Variants in TRPM2 observed in about 807,000 individuals in gnomAD.
TRPM2 encodes transient receptor potential cation channel subfamily M member 2.
TRPM2 carries 161 observed loss-of-function variants against 174.0 expected under a neutral mutation model. That is an observed-to-expected ratio of 0.93 (90% confidence interval 0.81 to 1.05). TRPM2 has a LOEUF of 1.05. TRPM2 is among the 50% of genes least tolerant of loss of function. The pLI is 0.00. For missense variants in TRPM2, 2,057 were observed against 2,038.0 expected (o/e 1.01, Z -0.18); for synonymous variants, 954 against 861.3 (o/e 1.11, Z -1.88).
Position 44,354,727 on chromosome 21 carries a change from C to A in TRPM2, c.245C>A (p.Ser82Tyr). 1 of 1,614,178 alleles carries A rather than the reference C, an allele frequency of 6.2e-7. No homozygotes were observed. Among genetic ancestry groups the A allele is most frequent in the South Asian group, 1.1e-5 (1 of 91,090 alleles). ...CVYFVESSKL[S>Y]DAGKVVCQCG... is the part of the protein sequence containing the mutation. ...TATTTTGTGGAAAGTTCCAAACTGT[C>A]TGATGCTGGGTAAGTGACGTGATTT... The change falls in exon 2 of 32, where the codon TCT (serine) becomes TAT (tyrosine). Residue 82 changes from serine (S) to tyrosine (Y), a missense_variant. Physicochemically the swap from Ser to Tyr is moderately radical, Grantham distance 144. Transcript: ENST00000397928. This position sits in a 1 kb window ranked among gnomAD's most constrained non-coding sequence, Gnocchi z 4.3.
At position 44,354,683 on chromosome 21, in the gene TRPM2, CAAG is replaced by C. The variant is rs1263597185; in HGVS notation, c.207_209del (p.Lys70del). On this transcript the variant is annotated inframe_deletion, in exon 2 of 32. Coordinates refer to ENST00000397928, the MANE Select transcript of TRPM2 (RefSeq NM_003307.4). The surrounding 1 kb of genome is among the most constrained non-coding windows in gnomAD (Gnocchi z 4.3). ...TCAGTTCGTGGATTCCTGAAAACAT[CAAG>C]AAGAAAGAATGCGTGTATTTTGTGG... 1.2e-6 allele frequency: 2 copies of C among 1,614,062 alleles called. No homozygotes were observed. Among genetic ancestry groups the C allele is most frequent in the East Asian group, 4.5e-5 (2 of 44,888 alleles).
intron 4 of TRPM2, 62 bp from the exon 5 acceptor site, chr21:44,369,115 G>A (rs2048444691): frequency 7.4e-7 from 1 of 1,346,610 alleles, no homozygotes; most frequent in Non-Finnish European, 9.5e-7. Flanking sequence ...CAGGCGTCAG[G>A]CTCCTGGGTG....
chr21:44,418,601 C>T (rs1271608708), intron 22 of TRPM2, 46 bp downstream of exon 22: 1 of 1,608,414 alleles, frequency 6.2e-7, no homozygotes, highest in Non-Finnish European at 8.5e-7. Context: ...CTCTGGGGGA[C>T]CTCCTGCAGG....
Position 44,417,781 on chromosome 21 carries a change from T to C in TRPM2, c.3147-146T>C, listed in dbSNP as rs113553668. 8,865 of 657,494 alleles carry C rather than the reference T, an allele frequency of 0.013. 679 individuals are homozygous for C. In the African/African-American group the frequency reaches 0.14, roughly 11 times the overall value. The allele number at this position is 657,494 out of a possible 1,614,324, so 40.7% of individuals were successfully genotyped here. ...TGTGACATCACAGTGGGCATGTGGGTGTGGCTCTGCTCTCTGTGGCATCAC... is the reference window on the plus strand; with the variant it reads ...TGTGACATCACAGTGGGCATGTGGGCGTGGCTCTGCTCTCTGTGGCATCAC... On this transcript the variant is annotated intron_variant, in intron 20 of 31. Coordinates refer to ENST00000397928, the MANE Select transcript of TRPM2 (RefSeq NM_003307.4).
chr21:44,359,461 G>A (rs2048150554), intron 2 of TRPM2, among the ~76,000 whole-genome samples: 1 of 151,370 alleles, frequency 6.6e-6, no homozygotes, highest in African/African-American at 2.4e-5. Context: ...TTTAATGATT[G>A]AGAAACTGAG....
At position 44,405,984 on chromosome 21, in the gene TRPM2, A is replaced by G. The variant is rs2049858128; in HGVS notation, c.2737A>G (p.Ile913Val). The change falls in exon 18 of 32, where the codon ATT becomes GTT. Residue 913 changes from isoleucine to valine, a missense_variant. By Grantham distance (29) the Ile-to-Val change is conservative (BLOSUM62 3). Transcript: ENST00000397928. Reference sequence around the variant, plus strand: ...CCTGTTCTGCCTCCGGCTCATGCACATTTTTACCATCAGTAAGACGCTGGG... The same window carrying G: ...CCTGTTCTGCCTCCGGCTCATGCACGTTTTTACCATCAGTAAGACGCTGGG... ...FILFCLRLMH[I>V]FTISKTLGPK... 3.1e-6 allele frequency: 5 copies of G among 1,608,722 alleles called. No individual in the cohort carries two copies. Among genetic ancestry groups the G allele is most frequent in the African/African-American group, 1.3e-5 (1 of 74,868 alleles).
At chr21:44,417,132 T>C (rs2050319382) in intron 20 of TRPM2, among the ~76,000 whole-genome samples, 1 of 139,836 alleles carries the variant, frequency 7.2e-6, no homozygotes, top group African/African-American at 2.8e-5. Context: ...GGCTCTGCTC[T>C]CTGGCATCAC....
intron 20 of TRPM2, chr21:44,415,135 C>G (rs543603098): frequency 6.6e-6 from 1 of 152,392 alleles, no homozygotes; most frequent in South Asian, 2.1e-4. Context: ...TGGGGTCTTC[C>G]TCATCTGCAC....
At chr21:44,407,871 TTTTA>T (rs2049958334) in intron 19 of TRPM2, among the ~76,000 whole-genome samples, 1 of 151,696 alleles carries the variant, frequency 6.6e-6, no homozygotes, top group Admixed American at 6.6e-5. Context: ...TTTTCCTTTT[TTTTA>T]AAAAAAATTA....
chr21:44,373,485 C>A (rs1373614936), intron 5 of TRPM2, among the ~76,000 whole-genome samples: 1 of 152,262 alleles, frequency 6.6e-6, no homozygotes, highest in Non-Finnish European at 1.5e-5. Flanking sequence ...CTGCGCTTGG[C>A]CGTTGGCCTT....
chr21:44,385,121 G>A (rs1395578331), intron 9 of TRPM2, among the ~76,000 whole-genome samples: 3 of 152,172 alleles, frequency 2.0e-5, no homozygotes, highest in African/African-American at 7.2e-5. Context: ...ATGCAAGGAT[G>A]GTTCAACATA....
At chr21:44,406,557 C>A (rs1415420987) in intron 18 of TRPM2, 37 bp from the exon 19 acceptor site, 1 of 1,583,616 alleles carries the variant, frequency 6.3e-7, no homozygotes, top group Non-Finnish European at 8.5e-7. Context: ...GCATCGGGGG[C>A]CAGGAGAGTG....
rs1569053143 is a variant in TRPM2 at position 44,391,794 on chromosome 21, T to C, written c.1794+169T>C. Among the ~76,000 whole-genome samples the C allele has an allele frequency of 6.6e-6, 1 of 152,176 alleles. No individual in the cohort carries two copies. Among genetic ancestry groups the C allele is most frequent in the Non-Finnish European group, 1.5e-5 (1 of 68,034 alleles). ...AAAATTCCACAGATGGGGCAGAAACTACCAGTTTATTTTCTCGAAGTTCTG... is the reference window on the plus strand; with the variant it reads ...AAAATTCCACAGATGGGGCAGAAACCACCAGTTTATTTTCTCGAAGTTCTG... On this transcript the variant is annotated intron_variant, in intron 11 of 31. Transcript: ENST00000397928. The surrounding 1 kb of genome is among the most constrained non-coding windows in gnomAD (Gnocchi z 5.0).
intron 9 of TRPM2, among the ~76,000 whole-genome samples, chr21:44,388,108 G>A (rs1036590883): frequency 3.9e-5 from 6 of 152,196 alleles, no homozygotes; most frequent in African/African-American, 1.4e-4. Context: ...GTATACTCAT[G>A]TTCATAGCTG....
At chr21:44,425,503 C>T (rs1204478254) in intron 24 of TRPM2, 167 bp from the exon 25 acceptor site, 3 of 765,168 alleles carry the variant, frequency 3.9e-6, no homozygotes, top group Non-Finnish European at 1.9e-6. Context: ...TCCCTGGGGG[C>T]CCTGCCCACT....
At chr21:44,411,080 G>A (rs1247216777) in intron 19 of TRPM2, among the ~76,000 whole-genome samples, 1 of 152,100 alleles carries the variant, frequency 6.6e-6, no homozygotes, top group Non-Finnish European at 1.5e-5. Flanking sequence ...GGTGAGCGTA[G>A]CCTTGTAGTA....
In TRPM2 at chr21:44,405,999, A is replaced by T; in HGVS notation, c.2752A>T (p.Lys918Ter). The T allele has an allele frequency of 6.2e-7, 1 of 1,608,600 alleles. No homozygotes were observed. The highest frequency in any genetic ancestry group is 1.3e-5 in the African/African-American group (1 of 75,030). The change falls in exon 18 of 32, where the codon AAG (lysine) becomes TAG (stop). Residue 918 changes from lysine to a stop codon, truncating the protein, a stop_gained. Transcript: ENST00000397928. LOFTEE classifies it high-confidence loss of function. ...GCTCATGCACATTTTTACCATCAGT[A>T]AGACGCTGGGGCCCAAGATCATCAT... The part of the protein sequence containing the change: ...LRLMHIFTIS[K>*]TLGPKIIIVK...
chr21:44,425,193 TG>T (rs2050710681), intron 24 of TRPM2: 1 of 525,368 alleles, frequency 1.9e-6, no homozygotes, highest in Non-Finnish European at 3.4e-6. Flanking sequence ...TGCTGTGCCC[TG>T]AGCTCCCCAC....
chr21:44,410,633 T>C (rs1447475132), intron 19 of TRPM2, among the ~76,000 whole-genome samples: 1 of 79,216 alleles, frequency 1.3e-5, no homozygotes, highest in Non-Finnish European at 3.1e-5. Flanking sequence ...GGCGTAGCCT[T>C]GTAGTAAGTT....
Sources: allele counts gnomAD v4.1 joint callset (sites outside exome capture counted in the v4.1 genomes callset), GRCh38; gene constraint gnomAD v4.1.1; non-coding constraint Gnocchi (gnomAD v3.1); transcripts MANE v1.5; gene names NCBI Gene and HGNC (gene_info 2026-07-23, HGNC 2026-07-21).